The following COL5A1 variants were observed in gnomAD, a reference collection of about 807,000 sequenced individuals.
COL5A1 encodes the protein collagen alpha-1(V) chain.
A neutral mutation model predicts 263.7 loss-of-function variants in COL5A1; 16 were observed. That is an observed-to-expected ratio of 0.06 (90% CI 0.04 to 0.09). The LOEUF (loss-of-function observed/expected upper bound fraction) is 0.09, where lower values mean the gene tolerates loss of function less well. Ranked by LOEUF, COL5A1 falls within the 10% of genes least tolerant of loss-of-function variation. The probability of loss-of-function intolerance (pLI) is 1.00; values close to 1 mark genes in which losing one functional copy is unlikely to be tolerated. For synonymous variants in COL5A1, 1,012 were observed against 1,004.5 expected (o/e 1.01, Z -0.14); for missense variants, 2,036 against 2,540.5 (o/e 0.80, Z 4.27).
At chr9:134,817,708 C>T in intron 53 of COL5A1, 70 bp from the exon 54 acceptor site, 1 of 1,441,294 alleles carries the variant, frequency 6.9e-7, no homozygotes. Context: ...CCCTGAGCGC[C>T]TGCACCCGAG....
chr9:134,714,762 T>TGATG (rs1834199389), intron 4 of COL5A1, among the ~76,000 whole-genome samples: 2 of 100,578 alleles, frequency 2.0e-5, no homozygotes, highest in Non-Finnish European at 2.2e-5. Context: ...ATTGTGATGG[T>TGATG]GTGATGCTGG....
intron 11 of COL5A1, 35 bp from the exon 12 acceptor site, chr9:134,750,507 A>G (rs1446380814): frequency 1.2e-6 from 2 of 1,601,570 alleles, no homozygotes; most frequent in South Asian, 2.2e-5. Context: ...GCCTGGTTGC[A>G]CTCTGACTTG....
intron 27 of COL5A1, among the ~76,000 whole-genome samples, chr9:134,776,704 G>T (rs1336978450): frequency 6.6e-6 from 1 of 152,220 alleles, no homozygotes; most frequent in African/African-American, 2.4e-5. Flanking sequence ...CCAGGAAAAG[G>T]TTCTTAGTCC....
At chr9:134,695,281 C>T (rs879674274) in intron 2 of COL5A1, among the ~76,000 whole-genome samples, 16 of 152,226 alleles carry the variant, frequency 1.1e-4, no homozygotes, top group African/African-American at 2.2e-4. Flanking sequence ...ACCCTGTCTT[C>T]GCCTGTGGCT....
intron 37 of COL5A1, among the ~76,000 whole-genome samples, chr9:134,801,452 G>A (rs969032106): frequency 6.6e-6 from 1 of 152,262 alleles, no homozygotes; most frequent in Non-Finnish European, 1.5e-5. Context: ...TGCAGAGGCA[G>A]GAGAGCAGCC....
intron 18 of COL5A1, among the ~76,000 whole-genome samples, chr9:134,760,936 C>T (rs528869273): frequency 4.0e-4 from 60 of 151,288 alleles, no homozygotes; most frequent in Middle Eastern, 3.4e-3. Flanking sequence ...CACATGCACA[C>T]ACATGCATAC....
chr9:134,788,548 ATAGG>A (rs1365409171), intron 31 of COL5A1, among the ~76,000 whole-genome samples: 5 of 139,478 alleles, frequency 3.6e-5, no homozygotes, highest in Non-Finnish European at 7.8e-5. Flanking sequence ...GGGTGGGTGG[ATAGG>A]TAGGCAGATG....
chr9:134,732,151 C>T lies in COL5A1; in HGVS notation c.1389+24C>T, dbSNP rs764762461. 4.3e-6 allele frequency: 7 copies of T among 1,613,904 alleles called. No individual in the cohort carries two copies. The South Asian group carries it at 5.5e-5, about 13-fold the overall frequency. On this transcript the variant is annotated intron_variant, in intron 9 of 65. Coordinates refer to ENST00000371817, the MANE Select transcript of COL5A1 (RefSeq NM_000093.5). ...CGGTGAGGACATTTTCTCATTCCCT[C>T]CCTGCGCCGGGGTGTCCGCTGCTCG...
chr9:134,784,444 A>G (rs1837375793), intron 29 of COL5A1, among the ~76,000 whole-genome samples: 1 of 152,136 alleles, frequency 6.6e-6, no homozygotes, highest in African/African-American at 2.4e-5. Flanking sequence ...CGAGCTCCCA[A>G]TCTGTAACTT....
intron 18 of COL5A1, among the ~76,000 whole-genome samples, chr9:134,760,474 T>C (rs1400240028): frequency 1.4e-4 from 8 of 58,342 alleles, no homozygotes; most frequent in African/African-American, 2.5e-4. Flanking sequence ...CCCACATTCA[T>C]ACACACATGC....
At chr9:134,687,132 G>A (rs10776897) in intron 1 of COL5A1, among the ~76,000 whole-genome samples, 88,499 of 152,032 alleles carry the variant, frequency 0.58, 28,754 homozygotes, top group Non-Finnish European at 0.73. Context: ...CGTGGCATGC[G>A]TGGGGGTCTG....
chr9:134,721,148 G>A (rs1834437799), intron 4 of COL5A1, among the ~76,000 whole-genome samples: 1 of 152,050 alleles, frequency 6.6e-6, no homozygotes, highest in Admixed American at 6.5e-5. Flanking sequence ...ATGGACACAG[G>A]TCTCAGGGAT....
intron 19 of COL5A1, among the ~76,000 whole-genome samples, chr9:134,763,199 T>C (rs1165422982): frequency 6.6e-6 from 1 of 152,162 alleles, no homozygotes; most frequent in Non-Finnish European, 1.5e-5. Context: ...AGGGACAGTG[T>C]TTGCAAACAG....
chr9:134,645,367 C>T (rs4629950), intron 1 of COL5A1, among the ~76,000 whole-genome samples: 68,636 of 152,122 alleles, frequency 0.45, 17,036 homozygotes, highest in African/African-American at 0.65. Context: ...CCCATCCCAC[C>T]TCCTGGGAGA....
intron 11 of COL5A1, among the ~76,000 whole-genome samples, chr9:134,743,853 T>G (rs1835377369): frequency 6.6e-6 from 1 of 152,178 alleles, no homozygotes; most frequent in African/African-American, 2.4e-5. Context: ...AAGTTTCGTA[T>G]GTAAGCCATG....
intron 4 of COL5A1, among the ~76,000 whole-genome samples, chr9:134,720,945 T>C (rs3128629): frequency 0.5 from 76,229 of 152,064 alleles, 19,510 homozygotes; most frequent in Admixed American, 0.64. Flanking sequence ...CAGGCCTGGC[T>C]GCATCTTAGA....
rs933555001 is a variant in COL5A1 at position 134,767,072 on chromosome 9, G to A, written c.2187+19G>A. The A allele has an allele frequency of 6.2e-7, 1 of 1,612,244 alleles. No homozygotes were observed. The highest frequency in any genetic ancestry group is 8.5e-7 in the Non-Finnish European group (1 of 1,179,404). ...CGCCCAGGTAAGTGAGCCTGAGAGA[G>A]GCAGCTCGCAGGGATCCGGCCGTGG... is the stretch of plus-strand genomic sequence containing the variant. On this transcript the variant is annotated intron_variant, in intron 23 of 65. Transcript: ENST00000371817.
At chr9:134,717,848 GT>G (rs1365747645) in intron 4 of COL5A1, among the ~76,000 whole-genome samples, 12 of 152,310 alleles carry the variant, frequency 7.9e-5, no homozygotes, top group Middle Eastern at 3.4e-3. Context: ...CCCTGTTTCG[GT>G]TGGACGAGGA....
chr9:134,807,749 C>G (rs985118657), intron 42 of COL5A1, among the ~76,000 whole-genome samples: 2 of 152,208 alleles, frequency 1.3e-5, no homozygotes, highest in African/African-American at 4.8e-5. Context: ...TTGGTGTCTT[C>G]TAATCATTTC....
Sources: allele counts gnomAD v4.1 joint callset (sites outside exome capture counted in the v4.1 genomes callset), GRCh38; gene constraint gnomAD v4.1.1; transcripts MANE v1.5; gene names NCBI Gene and HGNC (gene_info 2026-07-23, HGNC 2026-07-21).